Variants in WWTR1 observed in about 807,000 individuals in gnomAD.
The protein encoded by WWTR1 is WW domain-containing transcription regulator protein 1.
WWTR1 carries 13 observed loss-of-function variants against 40.1 expected under a neutral mutation model. The observed-to-expected ratio is 0.32, with a 90% CI of 0.21 to 0.52. The LOEUF (loss-of-function observed/expected upper bound fraction) is 0.52, where lower values mean the gene tolerates loss of function less well. WWTR1 is among the 20% of genes least tolerant of loss of function. WWTR1 has a pLI of 0.97. For missense variants in WWTR1, 436 were observed against 523.1 expected (o/e 0.83, Z 1.63); for synonymous variants, 230 against 210.1 (o/e 1.09, Z -0.82).
At chr3:149,605,222 A>T (rs1000977367) in intron 2 of WWTR1, among the ~76,000 whole-genome samples, 6 of 152,208 alleles carry the variant, frequency 3.9e-5, no homozygotes, top group African/African-American at 1.4e-4. Flanking sequence ...GCACATGCAT[A>T]ATTAAGACAT....
intron 2 of WWTR1, among the ~76,000 whole-genome samples, chr3:149,584,241 A>C (rs1738300017): frequency 6.6e-6 from 1 of 152,100 alleles, no homozygotes; most frequent in African/African-American, 2.4e-5. Context: ...ATTAAATGTC[A>C]CTCATCCCAA....
At chr3:149,523,254 T>C (rs935022299) in intron 6 of WWTR1, among the ~76,000 whole-genome samples, 2 of 148,478 alleles carry the variant, frequency 1.3e-5, no homozygotes, top group Non-Finnish European at 3.0e-5. Context: ...GGCAATTCTT[T>C]TTTTTTTTTT....
intron 2 of WWTR1, among the ~76,000 whole-genome samples, chr3:149,603,182 C>G (rs1260984865): frequency 6.6e-6 from 1 of 151,558 alleles, no homozygotes; most frequent in Admixed American, 6.6e-5. Context: ...TCATAAACTG[C>G]CCCCCTCACT....
In WWTR1 at chr3:149,518,062, A is replaced by G. The variant is rs980968481; in HGVS notation, c.*2743T>C. The stretch of plus-strand genomic sequence containing the variant: ...TACAATAATAGGAAATAGCCATTAA[A>G]AAGTTGCTCTAACTTTAGATTTCTA... On this transcript the variant is annotated 3_prime_UTR_variant, in exon 7 of 7. Transcript: ENST00000360632. 5.3e-5 allele frequency: 8 copies of G among 152,184 alleles called. No homozygotes were observed. The highest frequency in any genetic ancestry group is 1.0e-4 in the Non-Finnish European group (7 of 68,022). The allele number at this position is 152,184 out of a possible 1,614,324, so 9.4% of individuals were successfully genotyped here.
chr3:149,718,975 G>A (rs1252123510), intron 4 of WWTR1, among the ~76,000 whole-genome samples: 1 of 151,662 alleles, frequency 6.6e-6, no homozygotes, highest in South Asian at 2.1e-4. Context: ...ACTGGTGCTT[G>A]TCACCACGCC....
intron 4 of WWTR1, among the ~76,000 whole-genome samples, chr3:149,722,964 A>G (rs567905661): frequency 1.6e-3 from 236 of 151,946 alleles, no homozygotes; most frequent in South Asian, 3.5e-3. Context: ...TAGCATCTTT[A>G]AGACAGTTGT....
At position 149,651,990 on chromosome 3, in the gene WWTR1, TA is replaced by T. The variant is rs1179300916; in HGVS notation, c.431+4885del. On this transcript the variant is annotated intron_variant, in intron 2 of 6. Coordinates refer to ENST00000360632, the MANE Select transcript of WWTR1 (RefSeq NM_015472.6). ...ACAGGCGCCCGCTGCCACGCCCGGCTAATTTTTTTTTTTTTTTTTTTTTTTG... is the reference window on the plus strand; with the variant it reads ...ACAGGCGCCCGCTGCCACGCCCGGCTATTTTTTTTTTTTTTTTTTTTTTTG... Among the ~76,000 whole-genome samples, 474 of 102,754 alleles carry T rather than the reference TA, an allele frequency of 4.6e-3. 1 individual carries two copies. The highest frequency in any genetic ancestry group is 9.4e-3 in the Admixed American group (82 of 8,766). 67.4% of individuals were successfully genotyped at this position (102,754 alleles called of 152,430 possible).
chr3:149,708,843 T>A (rs1178733113), intron 5 of WWTR1, among the ~76,000 whole-genome samples: 1 of 152,188 alleles, frequency 6.6e-6, no homozygotes, highest in Non-Finnish European at 1.5e-5. Flanking sequence ...GAAGGATTTC[T>A]GTATTATACT....
intron 2 of WWTR1, among the ~76,000 whole-genome samples, chr3:149,592,090 C>T (rs76819062): frequency 0.028 from 4,291 of 152,268 alleles, 97 homozygotes; most frequent in East Asian, 0.064. Context: ...TATAAAACAT[C>T]AGTCCTAGAA....
chr3:149,603,545 T>TCCC (rs1739346481), intron 2 of WWTR1, among the ~76,000 whole-genome samples: 3 of 136,742 alleles, frequency 2.2e-5, no homozygotes, highest in Admixed American at 7.6e-5. Flanking sequence ...TTACAAAGGT[T>TCCC]CCCCACCCCC....
chr3:149,665,195 T>C (rs1183178203), intron 2 of WWTR1, among the ~76,000 whole-genome samples: 1 of 151,392 alleles, frequency 6.6e-6, no homozygotes, highest in Non-Finnish European at 1.5e-5. Context: ...CCATGATCTA[T>C]AATAACGGGA....
intron 1 of WWTR1, among the ~76,000 whole-genome samples, chr3:149,693,432 G>A (rs1422085314): frequency 1.3e-5 from 2 of 151,566 alleles, no homozygotes; most frequent in Non-Finnish European, 2.9e-5. Context: ...TTTAATGAAA[G>A]CTTTATCAAA....
chr3:149,717,687 G>T (rs1715645671), intron 4 of WWTR1: 1 of 152,214 alleles, frequency 6.6e-6, no homozygotes, highest in Non-Finnish European at 1.5e-5. Context: ...TTGTGAATAT[G>T]AAATATGTTG....
At chr3:149,596,037 C>CAAAAA (rs934446226) in intron 2 of WWTR1, among the ~76,000 whole-genome samples, 1 of 147,674 alleles carries the variant, frequency 6.8e-6, no homozygotes, top group South Asian at 2.2e-4. Flanking sequence ...TTCCATCTCT[C>CAAAAA]AAAAAAAAAC....
At chr3:149,701,852 T>G (rs995859143) in intron 1 of WWTR1, 1 of 177,692 alleles carries the variant, frequency 5.6e-6, no homozygotes, top group African/African-American at 2.4e-5. Context: ...TCATAAGGCA[T>G]TTGTGCATAT....
chr3:149,661,420 T>C (rs914007547), upstream of WWTR1: 8 of 113,850 alleles, frequency 7.0e-5, no homozygotes, highest in African/African-American at 2.2e-4. Flanking sequence ...AAGTTGCAAA[T>C]AAAGTCTTTT....
At chr3:149,699,551 C>T (rs1457049871) in intron 1 of WWTR1, among the ~76,000 whole-genome samples, 2 of 152,132 alleles carry the variant, frequency 1.3e-5, no homozygotes, top group Admixed American at 6.5e-5. Context: ...CCTTGACCTC[C>T]CAAAGTGCTG....
At chr3:149,624,312 A>G (rs1050892388) in intron 2 of WWTR1, among the ~76,000 whole-genome samples, 1 of 152,216 alleles carries the variant, frequency 6.6e-6, no homozygotes, top group African/African-American at 2.4e-5. Context: ...GGAGAAGGCA[A>G]TATGGCCAAG....
intron 3 of WWTR1, among the ~76,000 whole-genome samples, chr3:149,724,534 A>G (rs1314517003): frequency 6.6e-6 from 1 of 151,660 alleles, no homozygotes; most frequent in Non-Finnish European, 1.5e-5. Context: ...ATCCTTTCCA[A>G]TGGTTTGAGA....
Sources: allele counts gnomAD v4.1 joint callset (sites outside exome capture counted in the v4.1 genomes callset), GRCh38; gene constraint gnomAD v4.1.1; transcripts MANE v1.5; gene names NCBI Gene and HGNC (gene_info 2026-07-23, HGNC 2026-07-21).